Variants in MOB4 observed in about 807,000 individuals in gnomAD.
MOB4 encodes MOB family member 4, phocein, also known as MOB-like protein phocein.
A neutral mutation model predicts 32.2 loss-of-function variants in MOB4; 4 were observed. That is an observed-to-expected ratio of 0.12 (90% confidence interval 0.06 to 0.28). The LOEUF (loss-of-function observed/expected upper bound fraction) is 0.28, where lower values mean the gene tolerates loss of function less well. Ranked by LOEUF, MOB4 falls within the 10% of genes least tolerant of loss-of-function variation. The pLI, the probability that MOB4 is intolerant of heterozygous loss-of-function variation, is 1.00. For synonymous variants in MOB4, 88 were observed against 88.1 expected (o/e 1.00, Z 0.01); for missense variants, 158 against 271.2 (o/e 0.58, Z 2.93).
intron 2 of MOB4, chr2:197,533,722 CAAAAAAAAAAA>C (rs796816631): frequency 8.4e-5 from 12 of 142,430 alleles, no homozygotes; most frequent in African/African-American, 5.1e-4. Flanking sequence ...CAAAACTCCT[CAAAAAAAAAAA>C]AAAAAAAAAA....
intron 2 of MOB4, 56 bp from the exon 3 acceptor site, chr2:197,535,474 A>G (rs960106271): frequency 7.3e-6 from 11 of 1,512,544 alleles, no homozygotes; most frequent in East Asian, 4.6e-5. Flanking sequence ...TGTACTTAAC[A>G]TAAGATTTAC....
In MOB4 at chr2:197,552,076, C is replaced by T. The variant is rs1018560615; in HGVS notation, c.*1430C>T. 5.3e-5 allele frequency: 8 copies of T among 152,224 alleles called. No homozygotes were observed. The highest frequency in any genetic ancestry group is 8.8e-5 in the Non-Finnish European group (6 of 68,014). The allele number at this position is 152,224 out of a possible 1,614,324, so 9.4% of individuals were successfully genotyped here. A position where few individuals can be genotyped will look rare whatever the true frequency, so the allele number is the denominator to read the frequency against. The stretch of plus-strand genomic sequence containing the variant: ...GAATAATTTATACCATCTTTTCAGA[C>T]AAGAATGTACAGCAAAAATAAGGGG... On this transcript the variant is annotated 3_prime_UTR_variant, in exon 8 of 8. Transcript: ENST00000323303.
intron 5 of MOB4, among the ~76,000 whole-genome samples, chr2:197,547,391 A>G (rs1470031371): frequency 6.6e-6 from 1 of 152,202 alleles, no homozygotes; most frequent in Non-Finnish European, 1.5e-5. Context: ...TTTGCTTTTG[A>G]CCAACTCATC....
At chr2:197,516,774 T>C (rs2086422655) in intron 1 of MOB4, 1 of 471,016 alleles carries the variant, frequency 2.1e-6, no homozygotes, top group Non-Finnish European at 4.4e-6. Context: ...CTTGCTAATA[T>C]GCGTGAAGCA....
chr2:197,531,467 A>G (rs533461850), intron 2 of MOB4, among the ~76,000 whole-genome samples: 2 of 152,312 alleles, frequency 1.3e-5, no homozygotes, highest in Admixed American at 1.3e-4. Flanking sequence ...ATATTAAATA[A>G]TAACTCCCTA....
intron 5 of MOB4, among the ~76,000 whole-genome samples, chr2:197,543,492 T>C (rs1047221942): frequency 1.3e-5 from 2 of 149,682 alleles, no homozygotes; most frequent in Non-Finnish European, 3.0e-5. Flanking sequence ...AAATGTAGCA[T>C]GGACATACAA....
chr2:197,521,990 G>A (rs1282155915), intron 1 of MOB4, among the ~76,000 whole-genome samples: 1 of 152,188 alleles, frequency 6.6e-6, no homozygotes, highest in African/African-American at 2.4e-5. Flanking sequence ...GATTGGGGAA[G>A]TGATAAGTGT....
At chr2:197,516,271 C>T (rs1376861344) in intron 1 of MOB4, 125 bp downstream of exon 1, 1 of 1,466,922 alleles carries the variant, frequency 6.8e-7, no homozygotes, top group African/African-American at 1.5e-5. Flanking sequence ...CACTGGTGCC[C>T]GGCCTGCTCT....
intron 1 of MOB4, among the ~76,000 whole-genome samples, chr2:197,519,328 C>A (rs2086473846): frequency 6.6e-6 from 1 of 152,200 alleles, no homozygotes; most frequent in South Asian, 2.1e-4. Context: ...TCATTCTCAA[C>A]ATCTTTTCTA....
intron 2 of MOB4, among the ~76,000 whole-genome samples, chr2:197,524,758 T>G (rs1254777735): frequency 6.6e-6 from 1 of 151,706 alleles, no homozygotes. Context: ...GGATTGCAAG[T>G]ATGAGTCACT....
At chr2:197,536,116 C>G (rs1199211255) in intron 3 of MOB4, among the ~76,000 whole-genome samples, 1 of 151,934 alleles carries the variant, frequency 6.6e-6, no homozygotes, top group Non-Finnish European at 1.5e-5. Flanking sequence ...CCAGGCTAGT[C>G]TCAAACTCCT....
chr2:197,522,491 C>T lies in MOB4; in HGVS notation c.61-1133C>T, dbSNP rs182053730. 4.0e-3 allele frequency among the ~76,000 whole-genome samples: 600 copies of T among 151,522 alleles called. 4 individuals are homozygous for T. Among genetic ancestry groups the T allele is most frequent in the African/African-American group, 0.013 (554 of 41,342 alleles). On this transcript the variant is annotated intron_variant, in intron 1 of 7. Transcript: ENST00000323303. ...GATTACAGGCGCACGCCACCATGCCCGGCTATTTTTTGTATTTTTAGTAGA... is the reference window on the plus strand; with the variant it reads ...GATTACAGGCGCACGCCACCATGCCTGGCTATTTTTTGTATTTTTAGTAGA...
chr2:197,549,306 T>G (rs951171036), intron 6 of MOB4, among the ~76,000 whole-genome samples: 1 of 152,142 alleles, frequency 6.6e-6, no homozygotes, highest in African/African-American at 2.4e-5. Flanking sequence ...ATCTGAGAAG[T>G]CTGTACATGT....
chr2:197,545,388 G>A (rs1200821849), intron 5 of MOB4, among the ~76,000 whole-genome samples: 2 of 152,040 alleles, frequency 1.3e-5, no homozygotes, highest in Non-Finnish European at 2.9e-5. Flanking sequence ...TTGTTATACT[G>A]TATTTCTTAA....
intron 1 of MOB4, among the ~76,000 whole-genome samples, chr2:197,521,282 G>A (rs922097459): frequency 4.6e-5 from 7 of 152,224 alleles, no homozygotes; most frequent in Middle Eastern, 3.4e-3. Context: ...CTGCAAAACC[G>A]GCAAGTTTTT....
At chr2:197,546,737 C>T (rs1198779326) in intron 5 of MOB4, among the ~76,000 whole-genome samples, 5 of 152,132 alleles carry the variant, frequency 3.3e-5, no homozygotes, top group African/African-American at 9.7e-5. Flanking sequence ...TTGCATTATA[C>T]AGTTGACCCT....
chr2:197,526,798 C>G (rs1324641584), intron 2 of MOB4, among the ~76,000 whole-genome samples: 1 of 152,126 alleles, frequency 6.6e-6, no homozygotes, highest in Non-Finnish European at 1.5e-5. Flanking sequence ...TTGTCGAAAT[C>G]TTTTGGCCAT....
chr2:197,539,256 A>G (rs948224052), intron 3 of MOB4, among the ~76,000 whole-genome samples: 6 of 152,008 alleles, frequency 3.9e-5, no homozygotes, highest in African/African-American at 1.4e-4. Context: ...TGTGACATAG[A>G]AGATTGTCTT....
At chr2:197,515,951 T>C, upstream of MOB4, 1 of 886,346 alleles carries the variant, frequency 1.1e-6, no homozygotes, top group Non-Finnish European at 1.7e-6. Flanking sequence ...CCCGGACGGC[T>C]CCCGGCGCAG....
Sources: gnomAD v4.1 joint callset for allele counts (sites outside exome capture counted in the v4.1 genomes callset) on GRCh38, gnomAD v4.1.1 for gene constraint, MANE v1.5 for transcripts, NCBI Gene and HGNC (gene_info 2026-07-23, HGNC 2026-07-21) for gene names.